DARS1: variants seen among roughly 807,000 people sequenced by gnomAD.
The protein encoded by DARS1 is aspartyl-tRNA synthetase 1.
A neutral mutation model predicts 68.8 loss-of-function variants in DARS1; 51 were observed. The observed-to-expected ratio is 0.74, with a 90% CI of 0.59 to 0.94. The LOEUF is 0.94. DARS1 is among the 40% of genes least tolerant of loss of function. The pLI is 0.00. For synonymous variants in DARS1, 203 were observed against 190.4 expected, an observed-to-expected ratio of 1.07 and a Z score of -0.55; for missense variants, 607 against 597.3, an observed-to-expected ratio of 1.02 and a Z score of -0.17.
intron 3 of DARS1, among the ~76,000 whole-genome samples, chr2:135,971,062 A>C (rs1682357705): frequency 6.6e-6 from 1 of 152,220 alleles, no homozygotes; most frequent in Non-Finnish European, 1.5e-5. Context: ...TCCAAAAAAC[A>C]GAGGAAGAGA....
intron 4 of DARS1, 87 bp from the exon 5 acceptor site, chr2:135,943,567 T>C: frequency 1.3e-6 from 2 of 1,531,446 alleles, no homozygotes; most frequent in Non-Finnish European, 1.7e-6. Context: ...GCTGAATATG[T>C]TAAACTCTTT....
rs767262801 is a variant in DARS1, at chr2:135,916,390, T to A, written c.960-18A>T. 7.0e-7 allele frequency: 1 copy of A among 1,430,608 alleles called. No individual in the cohort carries two copies. Among genetic ancestry groups the A allele is most frequent in the Admixed American group, 1.7e-5 (1 of 58,608 alleles). The allele number at this position is 1,430,608 out of a possible 1,614,324, so 88.6% of individuals were successfully genotyped here. A position where few individuals can be genotyped will look rare whatever the true frequency, so the allele number is the denominator to read the frequency against. On this transcript the variant is annotated intron_variant, in intron 10 of 15. Transcript: ENST00000264161. ...TCTGAAACCTATTTGCAGAATGATT[T>A]AGTTAATAAAATGTATGAGATAAAT...
intron 4 of DARS1, among the ~76,000 whole-genome samples, chr2:135,947,162 C>A (rs146821991): frequency 1.3e-5 from 2 of 151,806 alleles, no homozygotes; most frequent in East Asian, 1.9e-4. Flanking sequence ...CCCAGCACTT[C>A]TGGGAGGTCG....
chr2:135,923,809 G>T (rs1681156434), intron 8 of DARS1, among the ~76,000 whole-genome samples: 1 of 152,070 alleles, frequency 6.6e-6, no homozygotes. Flanking sequence ...CCTCAGGTTG[G>T]GAGTTCGAGA....
chr2:135,946,569 C>T (rs1437974151), intron 4 of DARS1, among the ~76,000 whole-genome samples: 2 of 152,156 alleles, frequency 1.3e-5, no homozygotes, highest in African/African-American at 4.8e-5. Context: ...TTGAGCATAT[C>T]ACACTTTGGA....
At chr2:135,919,426 A>C (rs1681069912) in intron 10 of DARS1, among the ~76,000 whole-genome samples, 1 of 152,216 alleles carries the variant, frequency 6.6e-6, no homozygotes, top group Admixed American at 6.5e-5. Flanking sequence ...AAACATATCA[A>C]ATACATCAAC....
At chr2:135,974,624 C>T (rs1168839836) in intron 3 of DARS1, among the ~76,000 whole-genome samples, 1 of 152,174 alleles carries the variant, frequency 6.6e-6, no homozygotes, top group East Asian at 1.9e-4. Flanking sequence ...ACCTTAAACT[C>T]AAAATCATTC....
chr2:135,950,297 A>G (rs1275942752), intron 4 of DARS1, among the ~76,000 whole-genome samples: 1 of 152,188 alleles, frequency 6.6e-6, no homozygotes, highest in Non-Finnish European at 1.5e-5. Flanking sequence ...ATATATAACA[A>G]CTGATCTAAG....
At chr2:135,985,221 G>A (rs1205017491) in intron 1 of DARS1, 182 bp downstream of exon 1, 5 of 955,598 alleles carry the variant, frequency 5.2e-6, no homozygotes, top group Non-Finnish European at 7.3e-6. Context: ...CAAGAAACGC[G>A]GTCCGGAGAG....
intron 1 of DARS1, chr2:135,985,080 G>C: frequency 4.8e-6 from 2 of 413,126 alleles, no homozygotes; most frequent in South Asian, 4.4e-5. Flanking sequence ...TGTGCATTAC[G>C]TGCAGGACGT....
At chr2:135,939,227 C>T (rs2104815509) in intron 5 of DARS1, among the ~76,000 whole-genome samples, 1 of 152,316 alleles carries the variant, frequency 6.6e-6, no homozygotes. Flanking sequence ...CACCACATTG[C>T]ACTTATTCCA....
chr2:135,949,815 A>C (rs969455132), intron 4 of DARS1, among the ~76,000 whole-genome samples: 2 of 152,204 alleles, frequency 1.3e-5, no homozygotes. Context: ...AAGACAGACA[A>C]TTTGAGGCAA....
intron 3 of DARS1, among the ~76,000 whole-genome samples, chr2:135,978,142 C>CAAAAAAAAA (rs59505882): frequency 2.7e-3 from 149 of 54,468 alleles, no homozygotes; most frequent in Admixed American, 3.6e-3. Flanking sequence ...GACTCTGTCT[C>CAAAAAAAAA]AAAAAAAAAA....
At chr2:135,924,653 A>G (rs1681176739) in intron 7 of DARS1, among the ~76,000 whole-genome samples, 155 bp from the exon 8 acceptor site, 1 of 152,244 alleles carries the variant, frequency 6.6e-6, no homozygotes, top group African/African-American at 2.4e-5. Flanking sequence ...GAATAAATAC[A>G]AGGCAAAAAG....
intron 3 of DARS1, among the ~76,000 whole-genome samples, chr2:135,972,128 T>C (rs1403771257): frequency 6.6e-6 from 1 of 152,156 alleles, no homozygotes; most frequent in Non-Finnish European, 1.5e-5. Context: ...GCCAAAGCTA[T>C]GCTGAGCAAA....
chr2:135,961,309 G>A (rs1682094622), intron 4 of DARS1, 87 bp downstream of exon 4: 12 of 747,006 alleles, frequency 1.6e-5, no homozygotes, highest in Middle Eastern at 2.3e-4. Context: ...AAGCATTGAT[G>A]TTAATGTATG....
At chr2:135,916,411 T>G (rs756782986) in intron 10 of DARS1, 39 bp from the exon 11 acceptor site, 1 of 1,295,348 alleles carries the variant, frequency 7.7e-7, no homozygotes, top group Non-Finnish European at 1.1e-6. Context: ...ATGTATGAGA[T>G]AAATGTTTCC....
At chr2:135,959,793 T>TA (rs1682062300) in intron 4 of DARS1, among the ~76,000 whole-genome samples, 3 of 152,196 alleles carry the variant, frequency 2.0e-5, no homozygotes, top group African/African-American at 7.2e-5. Flanking sequence ...CTGGAAGCTT[T>TA]AGGAATGTAA....
intron 6 of DARS1, among the ~76,000 whole-genome samples, chr2:135,933,064 T>C (rs1349946658): frequency 6.6e-6 from 1 of 152,150 alleles, no homozygotes; most frequent in Non-Finnish European, 1.5e-5. Context: ...CAGATATTAA[T>C]GGTTCTTTCC....
Sources: gnomAD v4.1 joint callset for allele counts (sites outside exome capture counted in the v4.1 genomes callset) on GRCh38, gnomAD v4.1.1 for gene constraint, MANE v1.5 for transcripts, NCBI Gene and HGNC (gene_info 2026-07-23, HGNC 2026-07-21) for gene names.